Variants in ST6GALNAC3 observed in about 807,000 individuals in gnomAD.
The protein encoded by ST6GALNAC3 is alpha-N-acetylgalactosaminide alpha-2,6-sialyltransferase 3.
In ST6GALNAC3, 25 loss-of-function variants were observed where a neutral mutation model predicts 32.7. The ratio of observed to expected loss-of-function variants is 0.76; its 90% CI spans 0.56 to 1.07. ST6GALNAC3 has a LOEUF of 1.07. Ranked by LOEUF, ST6GALNAC3 falls within the 50% of genes least tolerant of loss-of-function variation. The probability of loss-of-function intolerance (pLI) is 0.00; values close to 1 mark genes in which losing one functional copy is unlikely to be tolerated. For synonymous variants in ST6GALNAC3, 129 were observed against 133.1 expected (o/e 0.97, Z 0.21); for missense variants, 355 against 382.4 (o/e 0.93, Z 0.60).
rs552959045 is a variant in ST6GALNAC3, at chr1:76,109,625, G to A, written c.18+34741G>A. On this transcript the variant is annotated intron_variant, in intron 1 of 4. Coordinates refer to ENST00000328299, the MANE Select transcript of ST6GALNAC3 (RefSeq NM_152996.4). ...AGACCAGCTTCCTCTCCGGTCTGGC[G>A]GATCTGTTCTCAGGCTGAGCAGAGA... Among the ~76,000 whole-genome samples, 32 of 152,228 alleles carry A rather than the reference G, an allele frequency of 2.1e-4. No individual in the cohort carries two copies. In the South Asian group the frequency reaches 2.7e-3, roughly 13 times the overall value.
intron 1 of ST6GALNAC3, among the ~76,000 whole-genome samples, chr1:76,292,536 A>G (rs1660158539): frequency 6.6e-6 from 1 of 152,134 alleles, no homozygotes; most frequent in African/African-American, 2.4e-5. Flanking sequence ...ACCAGTAAGT[A>G]AGATTGGCTT....
At chr1:76,321,258 G>A (rs566616265) in intron 2 of ST6GALNAC3, among the ~76,000 whole-genome samples, 75 of 152,192 alleles carry the variant, frequency 4.9e-4, no homozygotes, top group African/African-American at 1.8e-3. Flanking sequence ...AAGCTGTTGG[G>A]ATGTGATTCT....
intron 3 of ST6GALNAC3, among the ~76,000 whole-genome samples, chr1:76,608,467 G>C (rs991446863): frequency 2.0e-5 from 3 of 152,140 alleles, no homozygotes; most frequent in Non-Finnish European, 2.9e-5. Context: ...TAAAAGTAAA[G>C]TTGGATGAGA....
chr1:76,464,350 A>G (rs891386260), intron 3 of ST6GALNAC3, among the ~76,000 whole-genome samples: 4 of 152,206 alleles, frequency 2.6e-5, no homozygotes, highest in Non-Finnish European at 5.9e-5. Context: ...TATGAAATTG[A>G]TACTTGGAAA....
chr1:76,289,008 T>A (rs1451649880), intron 1 of ST6GALNAC3, among the ~76,000 whole-genome samples: 1 of 152,222 alleles, frequency 6.6e-6, no homozygotes, highest in Non-Finnish European at 1.5e-5. Flanking sequence ...CCATTGTATA[T>A]TCACATCTTG....
intron 3 of ST6GALNAC3, among the ~76,000 whole-genome samples, chr1:76,508,011 G>A (rs1661584333): frequency 6.6e-6 from 1 of 152,126 alleles, no homozygotes; most frequent in Non-Finnish European, 1.5e-5. Context: ...TTTTGATTTG[G>A]ACTTTCCTGT....
At chr1:76,185,821 A>C (rs112491557) in intron 1 of ST6GALNAC3, among the ~76,000 whole-genome samples, 1,684 of 152,310 alleles carry the variant, frequency 0.011, 8 homozygotes, top group Middle Eastern at 0.031. Flanking sequence ...TACTCAGGGA[A>C]AAAAATATAT....
At chr1:76,423,343 G>A (rs1209540663) in intron 3 of ST6GALNAC3, among the ~76,000 whole-genome samples, 2 of 151,980 alleles carry the variant, frequency 1.3e-5, no homozygotes, top group African/African-American at 4.8e-5. Context: ...TTTCCTTGGA[G>A]TTTCTAGCCC....
chr1:76,124,303 C>T (rs752007561), intron 1 of ST6GALNAC3, among the ~76,000 whole-genome samples: 3 of 151,970 alleles, frequency 2.0e-5, no homozygotes, highest in East Asian at 1.9e-4. Context: ...TTAGCATCCC[C>T]GTGATGAACA....
At chr1:76,143,148 A>G (rs536187679) in intron 1 of ST6GALNAC3, among the ~76,000 whole-genome samples, 1 of 152,280 alleles carries the variant, frequency 6.6e-6, no homozygotes, top group Admixed American at 6.5e-5. Flanking sequence ...CTATTTTTGT[A>G]CTTAATGAAA....
At chr1:76,283,916 T>C (rs982158431) in intron 1 of ST6GALNAC3, among the ~76,000 whole-genome samples, 1 of 152,242 alleles carries the variant, frequency 6.6e-6, no homozygotes, top group African/African-American at 2.4e-5. Flanking sequence ...GTTGTAAACC[T>C]AACTTAGTGA....
At chr1:76,219,553 C>T (rs969455851) in intron 1 of ST6GALNAC3, among the ~76,000 whole-genome samples, 4 of 152,158 alleles carry the variant, frequency 2.6e-5, no homozygotes, top group Non-Finnish European at 4.4e-5. Flanking sequence ...GCCAGCTTCC[C>T]CTGGGCACAG....
At position 76,110,199 on chromosome 1, in the gene ST6GALNAC3, C is replaced by A. The variant is rs564423933; in HGVS notation, c.18+35315C>A. 1.5e-3 allele frequency among the ~76,000 whole-genome samples: 230 copies of A among 152,296 alleles called. 1 individual carries two copies. The highest frequency in any genetic ancestry group is 5.3e-3 in the African/African-American group (222 of 41,568). ...CTCATATTTTCCACATTCCTTTCTT[C>A]TTTGGAATCCTGCTCTAAGGAAAGA... On this transcript the variant is annotated intron_variant, in intron 1 of 4. Coordinates refer to ENST00000328299, the MANE Select transcript of ST6GALNAC3 (RefSeq NM_152996.4).
In ST6GALNAC3 at chr1:76,577,347, C is replaced by A. The variant is rs1646827659; in HGVS notation, c.624-50105C>A. 7 of 986,308 alleles carry A rather than the reference C, an allele frequency of 7.1e-6. No homozygotes were observed. In the South Asian group the frequency reaches 3.3e-4, roughly 46 times the overall value. The allele number at this position is 986,308 out of a possible 1,614,324, so 61.1% of individuals were successfully genotyped here. ...TGCCTCTTTCTGCTTGGAAGGTAACCTTTACCAAGAGCTATAGCCTCTTAA... is the reference window on the plus strand; with the variant it reads ...TGCCTCTTTCTGCTTGGAAGGTAACATTTACCAAGAGCTATAGCCTCTTAA... On this transcript the variant is annotated intron_variant, in intron 3 of 4. Coordinates refer to ENST00000328299, the MANE Select transcript of ST6GALNAC3 (RefSeq NM_152996.4).
intron 1 of ST6GALNAC3, among the ~76,000 whole-genome samples, chr1:76,140,117 T>G (rs546864114): frequency 3.9e-5 from 6 of 152,278 alleles, no homozygotes; most frequent in Admixed American, 1.3e-4. Context: ...GTTTTCTGAC[T>G]GCAGAAGTGG....
At chr1:76,284,783 C>T (rs1659686335) in intron 1 of ST6GALNAC3, among the ~76,000 whole-genome samples, 1 of 152,066 alleles carries the variant, frequency 6.6e-6, no homozygotes, top group Non-Finnish European at 1.5e-5. Flanking sequence ...GTATCTTAGT[C>T]TCCACAAGCA....
chr1:76,386,358 GGTT>G (rs1434075706), intron 2 of ST6GALNAC3, among the ~76,000 whole-genome samples: 1 of 152,108 alleles, frequency 6.6e-6, no homozygotes, highest in Non-Finnish European at 1.5e-5. Context: ...AACCCCACAG[GGTT>G]GTTGTAAGAA....
chr1:76,254,618 C>T (rs1004106131), intron 1 of ST6GALNAC3, among the ~76,000 whole-genome samples: 1 of 152,110 alleles, frequency 6.6e-6, no homozygotes, highest in African/African-American at 2.4e-5. Flanking sequence ...AAGCTGAATT[C>T]AAGACTGCCC....
intron 1 of ST6GALNAC3, among the ~76,000 whole-genome samples, chr1:76,275,568 A>C (rs1319015425): frequency 6.6e-6 from 1 of 152,112 alleles, no homozygotes; most frequent in South Asian, 2.1e-4. Context: ...GTCTTCCCTC[A>C]GGATGCTTCC....
Sources: gnomAD v4.1 joint callset for allele counts (sites outside exome capture counted in the v4.1 genomes callset) on GRCh38, gnomAD v4.1.1 for gene constraint, MANE v1.5 for transcripts, NCBI Gene and HGNC (gene_info 2026-07-23, HGNC 2026-07-21) for gene names.